F7: variants seen among roughly 807,000 people sequenced by gnomAD.
F7 encodes the protein FVII coagulation protein.
A neutral mutation model predicts 47.5 loss-of-function variants in F7; 38 were observed. The observed-to-expected ratio is 0.80, with a 90% confidence interval of 0.62 to 1.05. The LOEUF (loss-of-function observed/expected upper bound fraction) is 1.05. Ranked by LOEUF, F7 falls within the 50% of genes least tolerant of loss-of-function variation. F7 has a pLI of 0.00. For missense variants in F7, 575 were observed against 605.4 expected, an observed-to-expected ratio of 0.95 and a Z score of 0.53; for synonymous variants, 244 against 258.5, an observed-to-expected ratio of 0.94 and a Z score of 0.54.
At chr13:113,107,786 T>C (rs1326781898) in intron 1 of F7, among the ~76,000 whole-genome samples, 5 of 4,138 alleles carry the variant, frequency 1.2e-3, no homozygotes, top group African/African-American at 3.1e-3. Context: ...GTCCCGGGAG[T>C]GTGGGTGTTC....
chr13:113,111,315 G>A (rs955703341), intron 2 of F7, among the ~76,000 whole-genome samples: 2 of 151,878 alleles, frequency 1.3e-5, no homozygotes, highest in Non-Finnish European at 2.9e-5. Context: ...ACTTTCTCCA[G>A]CTCACGCTCA....
At chr13:113,106,702 CGTGAGG>C (rs2035967050) in intron 1 of F7, 1 of 565,458 alleles carries the variant, frequency 1.8e-6, no homozygotes. Context: ...GGGGGTGTGG[CGTGAGG>C]ATGGCTAGTG....
In F7 at chr13:113,119,059, C is replaced by T. The variant is rs1282065953; in HGVS notation, c.*51C>T. 3 of 1,522,718 alleles carry T rather than the reference C, an allele frequency of 2.0e-6. No individual in the cohort carries two copies. Among genetic ancestry groups the T allele is most frequent in the Non-Finnish European group, 2.7e-6 (3 of 1,123,996 alleles). The allele number at this position is 1,522,718 out of a possible 1,614,324, so 94.3% of individuals were successfully genotyped here. A position where few individuals can be genotyped will look rare whatever the true frequency, so the allele number is the denominator to read the frequency against. On this transcript the variant is annotated 3_prime_UTR_variant, in exon 8 of 8. Transcript: ENST00000346342. ...AAAGCCAAGGCTGCGTCGAACTGTC[C>T]TGGCACCAAATCCCATATATTCTTC...
Position 113,119,049 on chromosome 13 carries a change from T to G in F7, c.*41T>G. 6.3e-7 allele frequency: 1 copy of G among 1,577,190 alleles called. No individual in the cohort carries two copies. Among genetic ancestry groups the G allele is most frequent in the South Asian group, 1.1e-5 (1 of 89,754 alleles). The stretch of plus-strand genomic sequence containing the variant: ...CTGTGGAGAGAAAGCCAAGGCTGCG[T>G]CGAACTGTCCTGGCACCAAATCCCA... On this transcript the variant is annotated 3_prime_UTR_variant, in exon 8 of 8. Transcript: ENST00000346342.
At chr13:113,106,306 G>C in intron 1 of F7, among the ~76,000 whole-genome samples, 1 of 74,090 alleles carries the variant, frequency 1.3e-5, no homozygotes. Context: ...GGGCATGGGG[G>C]ATGGGGTGTG....
At position 113,110,702 on chromosome 13, in the gene F7, A is replaced by T. The variant is rs1191650983; in HGVS notation, c.77A>T (p.Gln26Leu). 6 of 1,548,308 alleles carry T rather than the reference A, an allele frequency of 3.9e-6. No individual in the cohort carries two copies. The highest frequency in any genetic ancestry group is 5.2e-6 in the Non-Finnish European group (6 of 1,146,444). The stretch of plus-strand genomic sequence containing the variant: ...TCGCATTTCCCAGTCTTCGTAACCC[A>T]GGAGGAAGCCCACGGCGTCCTGCAC... Reference protein sequence around the residue: ...QGCLAAVFVTQEEAHGVLHRR... With the variant: ...QGCLAAVFVTLEEAHGVLHRR... The change falls in exon 2 of 8, where the codon CAG becomes CTG. Residue 26 changes from glutamine to leucine, a missense_variant. Physicochemically the swap from Gln to Leu is moderately radical, Grantham distance 113. Transcript: ENST00000346342.
rs909769341 is a variant in F7 at position 113,113,491 on chromosome 13, A to G, written c.226-261A>G. 1.3e-5 allele frequency among the ~76,000 whole-genome samples: 2 copies of G among 152,306 alleles called. No homozygotes were observed. The highest frequency in any genetic ancestry group is 2.9e-5 in the Non-Finnish European group (2 of 68,016). On this transcript the variant is annotated intron_variant, in intron 2 of 7. Coordinates refer to ENST00000346342, the MANE Select transcript of F7 (RefSeq NM_019616.4). This position sits in a 1 kb window ranked among gnomAD's most constrained non-coding sequence, Gnocchi z 4.1. ...CTCGTCCCAGGTCCACAGCTCAGCG[A>G]CAGAAGAGTCAGGGTTGAACCTCGG...
chr13:113,110,879 C>G, intron 2 of F7, 29 bp downstream of exon 2: 4 of 1,549,588 alleles, frequency 2.6e-6, no homozygotes, highest in Non-Finnish European at 3.5e-6. Context: ...CGCCCCGCGC[C>G]GCGGACACTG....
Position 113,119,118 on chromosome 13 carries a change from G to T in F7, c.*110G>T. 9.6e-5 allele frequency: 60 copies of T among 625,898 alleles called. No homozygotes were observed. The highest frequency in any genetic ancestry group is 1.6e-4 in the East Asian group (4 of 24,274). The allele number at this position is 625,898 out of a possible 1,614,324, so 38.8% of individuals were successfully genotyped here. A position where few individuals can be genotyped will look rare whatever the true frequency, so the allele number is the denominator to read the frequency against. On this transcript the variant is annotated 3_prime_UTR_variant, in exon 8 of 8. Transcript: ENST00000346342. The stretch of plus-strand genomic sequence containing the variant: ...ATGGGGTAGAGGAGGGCATGGGAGG[G>T]AGGGAGAGGTGGGGAGGGAGACAGA...
intron 1 of F7, 113 bp downstream of exon 1, chr13:113,106,018 G>C: frequency 1.1e-6 from 1 of 922,806 alleles, no homozygotes; most frequent in Non-Finnish European, 1.6e-6. Context: ...CCATCCACCA[G>C]GAGGGTTTTC....
intron 1 of F7, among the ~76,000 whole-genome samples, chr13:113,109,785 G>A (rs1211162877): frequency 1.3e-5 from 2 of 152,142 alleles, no homozygotes; most frequent in Non-Finnish European, 2.9e-5. Context: ...CGGCCGCCCC[G>A]GGGCGGGGGT....
At position 113,119,103 on chromosome 13, in the gene F7, G is replaced by C. The variant is rs1455612491; in HGVS notation, c.*95G>C. ...ATTCTTCTGCAGTTAATGGGGTAGA[G>C]GAGGGCATGGGAGGGAGGGAGAGGT... is the stretch of plus-strand genomic sequence containing the variant. On this transcript the variant is annotated 3_prime_UTR_variant, in exon 8 of 8. Transcript: ENST00000346342. 1.9e-6 allele frequency: 2 copies of C among 1,080,290 alleles called. No homozygotes were observed. Among genetic ancestry groups the C allele is most frequent in the South Asian group, 2.7e-5 (2 of 74,338 alleles). The allele number at this position is 1,080,290 out of a possible 1,614,324, so 66.9% of individuals were successfully genotyped here. A position where few individuals can be genotyped will look rare whatever the true frequency, so the allele number is the denominator to read the frequency against.
In F7 at chr13:113,118,898, G is replaced by A. The variant is rs753278459; in HGVS notation, c.1225G>A (p.Val409Met). ...CAGCTGGGGCCAGGGCTGCGCAACC[G>A]TGGGCCACTTTGGGGTGTACACCAG... ...IVSWGQGCAT[V>M]GHFGVYTRVS... Residue 409 changes from valine to methionine, a missense_variant, in exon 8 of 8, where the codon GTG (valine) becomes ATG (methionine). Coordinates refer to ENST00000346342, the MANE Select transcript of F7 (RefSeq NM_019616.4). 35 of 1,612,354 alleles carry A rather than the reference G, an allele frequency of 2.2e-5. No individual in the cohort carries two copies. The highest frequency in any genetic ancestry group is 2.7e-5 in the African/African-American group (2 of 74,938).
chr13:113,109,693 G>A (rs958598517), intron 1 of F7, among the ~76,000 whole-genome samples: 6 of 152,078 alleles, frequency 3.9e-5, no homozygotes, highest in African/African-American at 1.2e-4. Context: ...TCTCAGCCCC[G>A]CTCGCCTCCT....
At chr13:113,116,619 C>G (rs1211651050) in intron 5 of F7, 147 bp from the exon 6 acceptor site, 2 of 695,446 alleles carry the variant, frequency 2.9e-6, no homozygotes, top group Non-Finnish European at 2.6e-6. Context: ...CTTCCACCAC[C>G]CCTGGGCCCT....
intron 6 of F7, 142 bp downstream of exon 6, chr13:113,117,017 C>T (rs1344455632): frequency 4.1e-6 from 3 of 734,562 alleles, no homozygotes; most frequent in Non-Finnish European, 2.5e-6. Context: ...GCACCTCCAG[C>T]TCGCGGCACC....
At chr13:113,107,933 C>A (rs71446940) in intron 1 of F7, among the ~76,000 whole-genome samples, 4 of 93,166 alleles carry the variant, frequency 4.3e-5, no homozygotes, top group African/African-American at 1.1e-4. Context: ...GTGGGTGTCC[C>A]GGGGGTGTGG....
rs2036145890 is a variant in F7 at position 113,113,773 on chromosome 13, AGTG to A, written c.250+1_250+3del. The A allele has an allele frequency of 6.2e-7, 1 of 1,614,000 alleles. No individual in the cohort carries two copies. The highest frequency in any genetic ancestry group is 8.5e-7 in the Non-Finnish European group (1 of 1,180,020). On this transcript the variant is annotated inframe_deletion and splice_region_variant, in exon 3 of 8. Transcript: ENST00000346342. This position sits in a 1 kb window ranked among gnomAD's most constrained non-coding sequence, Gnocchi z 4.1. ...TCAGAAGCTGTTCTGGATTTCTTACAGTGGTGAGTGGATGATCACCACCAGTCC... is the reference window on the plus strand; with the variant it reads ...TCAGAAGCTGTTCTGGATTTCTTACAGTGAGTGGATGATCACCACCAGTCC...
At chr13:113,110,912 C>T in intron 2 of F7, 62 bp downstream of exon 2, 1 of 1,521,848 alleles carries the variant, frequency 6.6e-7, no homozygotes, top group Non-Finnish European at 8.9e-7. Context: ...AACCAGGCCG[C>T]GTGGGGCCGC....
Sources: gnomAD v4.1 joint callset for allele counts (sites outside exome capture counted in the v4.1 genomes callset) on GRCh38, gnomAD v4.1.1 for gene constraint, Gnocchi (gnomAD v3.1) non-coding constraint, MANE v1.5 for transcripts, NCBI Gene and HGNC (gene_info 2026-07-23, HGNC 2026-07-21) for gene names.